Variants in DOCK4 observed in about 807,000 individuals in gnomAD.
DOCK4 encodes the protein dedicator of cytokinesis protein 4.
DOCK4 carries 97 observed loss-of-function variants against 268.1 expected under a neutral mutation model. The observed-to-expected ratio is 0.36, with a 90% CI of 0.31 to 0.43. The LOEUF is 0.43. DOCK4 is among the 20% of genes least tolerant of loss of function. The pLI is 1.00. For synonymous variants in DOCK4, 954 were observed against 887.2 expected, an observed-to-expected ratio of 1.08 and a Z score of -1.34; for missense variants, 2,145 against 2,455.7, an observed-to-expected ratio of 0.87 and a Z score of 2.67.
chr7:112,179,414 T>A (rs1354733253), intron 1 of DOCK4, among the ~76,000 whole-genome samples: 1 of 151,642 alleles, frequency 6.6e-6, no homozygotes, highest in Non-Finnish European at 1.5e-5. Context: ...GAAAAAATCT[T>A]CTAAGTGAAC....
intron 8 of DOCK4, chr7:111,971,711 TG>T: frequency 3.2e-6 from 1 of 313,398 alleles, no homozygotes; most frequent in Non-Finnish European, 5.4e-6. Context: ...TCTGTACTTG[TG>T]GGCCAGCTTA....
In DOCK4 at chr7:111,767,107, A is replaced by G; in HGVS notation, c.3840T>C (p.Asn1280=). The G allele has an allele frequency of 6.2e-7, 1 of 1,613,578 alleles. No individual in the cohort carries two copies. Among genetic ancestry groups the G allele is most frequent in the Non-Finnish European group, 8.5e-7 (1 of 1,179,706 alleles). The part of the protein sequence containing the change: ...QNFDRGKCWE[N]GIILCRKIAE... ...CAATCTTCCGGCACAAGATAATGCC[A>G]TTCTCCCAACACTGTGGACAAATGA... Residue 1280 remains asparagine, a synonymous_variant, in exon 38 of 53, where the codon AAT becomes AAC. Coordinates refer to ENST00000428084, the MANE Select transcript of DOCK4 (RefSeq NM_001363540.2).
chr7:111,970,820 AG>A (rs927358037), intron 8 of DOCK4, among the ~76,000 whole-genome samples: 1 of 152,204 alleles, frequency 6.6e-6, no homozygotes, highest in African/African-American at 2.4e-5. Context: ...GGTGTGTTTA[AG>A]CAGGATGCCG....
At chr7:112,146,623 T>C (rs1417257422) in intron 1 of DOCK4, among the ~76,000 whole-genome samples, 1 of 152,118 alleles carries the variant, frequency 6.6e-6, no homozygotes, top group Non-Finnish European at 1.5e-5. Flanking sequence ...TCCCAGCTAC[T>C]CAGGAGGCTG....
At chr7:112,155,133 T>A (rs1012274975) in intron 1 of DOCK4, among the ~76,000 whole-genome samples, 2 of 152,194 alleles carry the variant, frequency 1.3e-5, no homozygotes, top group African/African-American at 4.8e-5. Context: ...TTTTTAGAGA[T>A]CAGCAGCATA....
intron 25 of DOCK4, among the ~76,000 whole-genome samples, chr7:111,844,199 C>G (rs184460659): frequency 6.6e-6 from 1 of 152,234 alleles, no homozygotes; most frequent in East Asian, 1.9e-4. Context: ...TTACTTGAAC[C>G]CGGGAGATGG....
intron 12 of DOCK4, among the ~76,000 whole-genome samples, chr7:111,933,530 T>A (rs1291992483): frequency 6.6e-6 from 1 of 151,692 alleles, no homozygotes; most frequent in Admixed American, 6.6e-5. Flanking sequence ...CTCCTGACCT[T>A]GTGATCCACC....
chr7:111,840,729 A>G (rs763623219), intron 25 of DOCK4: 1 of 1,130,680 alleles, frequency 8.8e-7, no homozygotes, highest in Non-Finnish European at 1.1e-6. Flanking sequence ...GGAAGAATTC[A>G]CAATGGCACA....
intron 5 of DOCK4, among the ~76,000 whole-genome samples, chr7:111,992,559 G>A (rs1295053256): frequency 6.6e-6 from 1 of 152,154 alleles, no homozygotes; most frequent in Non-Finnish European, 1.5e-5. Flanking sequence ...AACACTAGGA[G>A]GAAAGGAGTT....
chr7:111,932,610 A>C (rs888075484), intron 12 of DOCK4, among the ~76,000 whole-genome samples: 1 of 152,154 alleles, frequency 6.6e-6, no homozygotes, highest in Non-Finnish European at 1.5e-5. Context: ...ACCATGTCAA[A>C]AAAGTAAAAA....
At chr7:111,729,653 A>G (rs1794930991) in intron 52 of DOCK4, among the ~76,000 whole-genome samples, 1 of 152,146 alleles carries the variant, frequency 6.6e-6, no homozygotes, top group South Asian at 2.1e-4. Context: ...TAAAAACGCC[A>G]TAAAACCTTT....
chr7:111,812,340 C>T (rs915583797), intron 27 of DOCK4, among the ~76,000 whole-genome samples: 3 of 152,176 alleles, frequency 2.0e-5, no homozygotes, highest in African/African-American at 7.2e-5. Flanking sequence ...AGTGCAGTGG[C>T]ATGATCATAG....
At chr7:111,936,519 T>C (rs760117433) in intron 11 of DOCK4, among the ~76,000 whole-genome samples, 2 of 151,788 alleles carry the variant, frequency 1.3e-5, no homozygotes, top group Non-Finnish European at 2.9e-5. Flanking sequence ...GATGGATGGA[T>C]GGATGGATGG....
intron 8 of DOCK4, among the ~76,000 whole-genome samples, chr7:111,975,135 C>T (rs1373864723): frequency 2.6e-5 from 4 of 152,014 alleles, no homozygotes; most frequent in East Asian, 1.9e-4. Flanking sequence ...GGCGTGGTGG[C>T]GGGTGTCTGT....
intron 26 of DOCK4, among the ~76,000 whole-genome samples, chr7:111,828,888 G>GTGTA (rs887336012): frequency 3.5e-5 from 5 of 143,278 alleles, no homozygotes; most frequent in East Asian, 4.2e-4. Flanking sequence ...GTGTGTGTGT[G>GTGTA]TATATATATA....
chr7:111,739,909 C>A (rs1339046654), intron 47 of DOCK4: 1 of 296,952 alleles, frequency 3.4e-6, no homozygotes, highest in African/African-American at 2.3e-5. Flanking sequence ...AGGAAAATTT[C>A]AGCTTAGTCT....
intron 1 of DOCK4, among the ~76,000 whole-genome samples, chr7:112,090,909 A>G (rs1196696221): frequency 6.6e-6 from 1 of 152,098 alleles, no homozygotes; most frequent in Non-Finnish European, 1.5e-5. Flanking sequence ...CAGGGGGAGC[A>G]CCAGATTTTC....
chr7:111,892,977 G>A (rs1419536107), intron 16 of DOCK4, among the ~76,000 whole-genome samples: 2 of 152,166 alleles, frequency 1.3e-5, no homozygotes, highest in East Asian at 3.8e-4. Flanking sequence ...GCTATACAAT[G>A]TAGGTCTGCC....
At chr7:111,902,474 T>C (rs1791225432) in intron 13 of DOCK4, among the ~76,000 whole-genome samples, 1 of 150,500 alleles carries the variant, frequency 6.6e-6, no homozygotes, top group African/African-American at 2.4e-5. Flanking sequence ...TTTATAAAAC[T>C]TGAGTTTTTA....
Sources: allele counts gnomAD v4.1 joint callset (sites outside exome capture counted in the v4.1 genomes callset), GRCh38; gene constraint gnomAD v4.1.1; transcripts MANE v1.5; gene names NCBI Gene and HGNC (gene_info 2026-07-23, HGNC 2026-07-21).